Variants in HPGD observed in about 807,000 individuals in gnomAD.
The protein encoded by HPGD is 15-hydroxyprostaglandin dehydrogenase [NAD(+)].
Under a neutral mutation model 30.0 loss-of-function variants are expected in HPGD, and 29 were observed. That is an observed-to-expected ratio of 0.97 (90% confidence interval 0.72 to 1.32). The LOEUF (loss-of-function observed/expected upper bound fraction) is 1.32, where lower values mean the gene tolerates loss of function less well. HPGD is among the 40% of genes most tolerant of loss of function. The pLI, the probability that HPGD is intolerant of heterozygous loss-of-function variation, is 0.00. For missense variants in HPGD, 340 were observed against 322.1 expected (o/e 1.06, Z -0.43); for synonymous variants, 99 against 112.4 (o/e 0.88, Z 0.75).
intron 3 of HPGD, among the ~76,000 whole-genome samples, chr4:174,513,703 G>C (rs543377188): frequency 3.4e-4 from 51 of 151,728 alleles, no homozygotes; most frequent in Non-Finnish European, 3.5e-4. Flanking sequence ...AACATAAAAG[G>C]TTGCTTATAT....
intron 5 of HPGD, among the ~76,000 whole-genome samples, chr4:174,493,939 G>A (rs775567852): frequency 9.9e-5 from 15 of 152,184 alleles, no homozygotes; most frequent in Non-Finnish European, 2.2e-4. Flanking sequence ...TGGAGCATTT[G>A]TAGTTATTTG....
chr4:174,495,798 T>C (rs890542921), intron 4 of HPGD, 174 bp from the exon 5 acceptor site: 12 of 642,852 alleles, frequency 1.9e-5, no homozygotes, highest in African/African-American at 1.8e-4. Flanking sequence ...AAGTGTAGTT[T>C]ATTTGCTCCA....
chr4:174,512,646 T>C lies in HPGD; in HGVS notation c.325-3854A>G, dbSNP rs192367665. Reference sequence around the variant, plus strand: ...GGAAGTTAAATTATTGGTCAGATTCTACTCTTGCAACGGGTTTAGGTAGGA... The same window carrying C: ...GGAAGTTAAATTATTGGTCAGATTCCACTCTTGCAACGGGTTTAGGTAGGA... On this transcript the variant is annotated intron_variant, in intron 3 of 6. Coordinates refer to ENST00000296522, the MANE Select transcript of HPGD (RefSeq NM_000860.6). Among the ~76,000 whole-genome samples the C allele has an allele frequency of 5.3e-3, 807 of 152,346 alleles. 4 individuals carry two copies. Among genetic ancestry groups the C allele is most frequent in the Admixed American group, 1.0e-2 (153 of 15,306 alleles).
rs368727347 is a variant in HPGD, at chr4:174,513,928, C to T, written c.324+4043G>A. Among the ~76,000 whole-genome samples the T allele has an allele frequency of 9.2e-5, 14 of 151,872 alleles. No individual in the cohort carries two copies. In the East Asian group the frequency reaches 9.6e-4, roughly 10 times the overall value. On this transcript the variant is annotated intron_variant, in intron 3 of 6. Transcript: ENST00000296522. Reference sequence around the variant, plus strand: ...AGATTTATAATATATAGAGTCTAAACTTACAGAATTACTAAAAGAGGTAGG... The same window carrying T: ...AGATTTATAATATATAGAGTCTAAATTTACAGAATTACTAAAAGAGGTAGG...
chr4:174,517,342 G>A (rs957547047), intron 3 of HPGD, among the ~76,000 whole-genome samples: 2 of 152,086 alleles, frequency 1.3e-5, no homozygotes, highest in African/African-American at 4.8e-5. Context: ...TACAAAGTTC[G>A]ATTGTCACTT....
At chr4:174,513,909 A>G (rs1037015161) in intron 3 of HPGD, among the ~76,000 whole-genome samples, 7 of 152,108 alleles carry the variant, frequency 4.6e-5, no homozygotes, top group Non-Finnish European at 1.0e-4. Context: ...TTATAGATTT[A>G]TAATATATAG....
At chr4:174,519,274 C>T (rs1219531258) in intron 2 of HPGD, among the ~76,000 whole-genome samples, 1 of 150,428 alleles carries the variant, frequency 6.6e-6, no homozygotes, top group East Asian at 2.0e-4. Flanking sequence ...AGTGCAGTGG[C>T]CTGATCTCAG....
chr4:174,522,522 C>G, upstream of HPGD: 16 of 1,218,320 alleles, frequency 1.3e-5, no homozygotes, highest in Non-Finnish European at 1.7e-5. Context: ...TTTATGCCCC[C>G]CTGCGCGCGC....
chr4:174,497,095 T>A (rs1734635302), intron 4 of HPGD, among the ~76,000 whole-genome samples: 1 of 152,208 alleles, frequency 6.6e-6, no homozygotes, highest in Non-Finnish European at 1.5e-5. Flanking sequence ...CTGGTTCTTG[T>A]TAGTCCCTGC....
At chr4:174,507,183 G>A (rs1735232154) in intron 4 of HPGD, 1 of 151,988 alleles carries the variant, frequency 6.6e-6, no homozygotes, top group South Asian at 2.1e-4. Context: ...TTCAAATATT[G>A]CCCGTGCGCT....
At chr4:174,511,875 T>C (rs1409710570) in intron 3 of HPGD, among the ~76,000 whole-genome samples, 1 of 152,170 alleles carries the variant, frequency 6.6e-6, no homozygotes, top group African/African-American at 2.4e-5. Context: ...CTCAATCTCC[T>C]GACCTTGTGA....
chr4:174,494,987 G>A lies in HPGD; in HGVS notation c.498+561C>T, dbSNP rs547986871. ...TTTGCTTGCCAGGCCCCTTTCAAGC[G>A]TCTCTTTTGTGAGTTATAAAAAGGC... On this transcript the variant is annotated intron_variant, in intron 5 of 6. Coordinates refer to ENST00000296522, the MANE Select transcript of HPGD (RefSeq NM_000860.6). The surrounding 1 kb of genome is among the most constrained non-coding windows in gnomAD (Gnocchi z 4.9). 1.2e-4 allele frequency among the ~76,000 whole-genome samples: 19 copies of A among 152,230 alleles called. No individual in the cohort carries two copies. In the South Asian group the frequency reaches 2.1e-3, roughly 17 times the overall value.
chr4:174,519,342 TA>T (rs1471338578), intron 2 of HPGD, among the ~76,000 whole-genome samples: 1 of 151,518 alleles, frequency 6.6e-6, no homozygotes, highest in Non-Finnish European at 1.5e-5. Flanking sequence ...GCCTCCAGAG[TA>T]GCTGGGACTA....
chr4:174,508,018 G>T, intron 4 of HPGD: 2 of 655,652 alleles, frequency 3.1e-6, no homozygotes, highest in South Asian at 3.3e-5. Context: ...GCCATTACTG[G>T]GCTGGGGTTC....
chr4:174,505,480 C>A (rs1157858731), intron 4 of HPGD, among the ~76,000 whole-genome samples: 1 of 152,194 alleles, frequency 6.6e-6, no homozygotes, highest in Non-Finnish European at 1.5e-5. Context: ...CATGCTATGA[C>A]TCAAGGGCAT....
At chr4:174,500,313 A>G (rs11133041) in intron 4 of HPGD, among the ~76,000 whole-genome samples, 71,398 of 152,164 alleles carry the variant, frequency 0.47, 18,629 homozygotes, top group Non-Finnish European at 0.59. Flanking sequence ...GCTGGTGCGA[A>G]TGCAAAATGG....
chr4:174,508,903 T>C, intron 3 of HPGD, 111 bp from the exon 4 acceptor site: 2 of 734,734 alleles, frequency 2.7e-6, no homozygotes, highest in Non-Finnish European at 2.5e-6. Context: ...TTTCTGCAAA[T>C]ATTATCAATG....
At chr4:174,521,843 G>A (rs1736142914) in intron 2 of HPGD, 101 bp downstream of exon 2, 1 of 1,359,178 alleles carries the variant, frequency 7.4e-7, no homozygotes, top group South Asian at 1.2e-5. Context: ...CTCTCGAGGA[G>A]GCAGCGGAGG....
chr4:174,502,528 AT>A (rs1398961685), intron 4 of HPGD, among the ~76,000 whole-genome samples: 3 of 152,060 alleles, frequency 2.0e-5, no homozygotes, highest in Non-Finnish European at 4.4e-5. Flanking sequence ...AATACAAAAA[AT>A]TAGCCAGGCG....
Sources: allele counts gnomAD v4.1 joint callset (sites outside exome capture counted in the v4.1 genomes callset), GRCh38; gene constraint gnomAD v4.1.1; non-coding constraint Gnocchi (gnomAD v3.1); transcripts MANE v1.5; gene names NCBI Gene and HGNC (gene_info 2026-07-23, HGNC 2026-07-21).